Variants in KIF26B observed in about 807,000 individuals in gnomAD.
KIF26B encodes the protein kinesin family member 26B.
A neutral mutation model predicts 151.2 loss-of-function variants in KIF26B; 63 were observed. The ratio of observed to expected loss-of-function variants is 0.42; its 90% CI spans 0.34 to 0.51. KIF26B has a LOEUF of 0.51. Among genes scored for constraint, KIF26B ranks in the 20% least tolerant of loss-of-function variants. The pLI, the probability that KIF26B is intolerant of heterozygous loss-of-function variation, is 0.07. For missense variants in KIF26B, 2,813 were observed against 2,913.6 expected (o/e 0.97, Z 0.79); for synonymous variants, 1,357 against 1,262.1 (o/e 1.08, Z -1.59).
intron 2 of KIF26B, among the ~76,000 whole-genome samples, chr1:245,303,766 G>C (rs58175684): frequency 0.066 from 10,086 of 152,204 alleles, 393 homozygotes; most frequent in Admixed American, 0.097. Flanking sequence ...TATACATAAG[G>C]CACCCTAGCT....
In KIF26B at chr1:245,244,930, C is replaced by T. The variant is rs1300516889; in HGVS notation, c.465+88247C>T. On this transcript the variant is annotated intron_variant, in intron 2 of 14. Transcript: ENST00000407071. This position sits in a 1 kb window ranked among gnomAD's most constrained non-coding sequence, Gnocchi z 4.2. ...ATGATGGCAGTCAGTTTATCCAGAT[C>T]ACAAGTCAGAAGGGTGAAATCGGCT... Among the ~76,000 whole-genome samples the T allele has an allele frequency of 6.6e-6, 1 of 152,136 alleles. No homozygotes were observed. Among genetic ancestry groups the T allele is most frequent in the Non-Finnish European group, 1.5e-5 (1 of 68,028 alleles).
chr1:245,405,164 G>A (rs1674104285), intron 3 of KIF26B, among the ~76,000 whole-genome samples: 1 of 152,162 alleles, frequency 6.6e-6, no homozygotes, highest in South Asian at 2.1e-4. Flanking sequence ...ATGAAACAGA[G>A]TTTCCCGGGA....
At chr1:245,266,374 A>G (rs1184437177) in intron 2 of KIF26B, among the ~76,000 whole-genome samples, 1 of 152,130 alleles carries the variant, frequency 6.6e-6, no homozygotes, top group Non-Finnish European at 1.5e-5. Flanking sequence ...TTTTGAAAGC[A>G]ATTTATTCTT....
At chr1:245,431,433 C>T (rs1658778649) in intron 4 of KIF26B, among the ~76,000 whole-genome samples, 1 of 150,654 alleles carries the variant, frequency 6.6e-6, no homozygotes, top group Non-Finnish European at 1.5e-5. Flanking sequence ...CAACCTCTGC[C>T]TCCCGGCTTC....
intron 3 of KIF26B, among the ~76,000 whole-genome samples, chr1:245,398,035 G>C (rs145782421): frequency 0.016 from 2,462 of 152,232 alleles, 29 homozygotes; most frequent in Non-Finnish European, 0.023. Context: ...TGTGAAGTAG[G>C]GAGCTTTCCA....
intron 2 of KIF26B, among the ~76,000 whole-genome samples, chr1:245,333,467 T>C (rs1300836743): frequency 4.0e-5 from 6 of 151,526 alleles, no homozygotes; most frequent in Non-Finnish European, 8.8e-5. Flanking sequence ...GGGCAGTGAG[T>C]GTTTAGTGGG....
At chr1:245,678,358 G>A (rs527326202) in intron 10 of KIF26B, among the ~76,000 whole-genome samples, 7 of 152,194 alleles carry the variant, frequency 4.6e-5, no homozygotes, top group African/African-American at 1.7e-4. Context: ...TCTACGACGC[G>A]TTCTGGCACG....
At chr1:245,530,410 A>C (rs1661335272) in intron 4 of KIF26B, among the ~76,000 whole-genome samples, 1 of 152,246 alleles carries the variant, frequency 6.6e-6, no homozygotes, top group South Asian at 2.1e-4. Context: ...TATTCACAAT[A>C]GTCAAGAGTT....
chr1:245,357,406 G>A (rs769368379), intron 2 of KIF26B, among the ~76,000 whole-genome samples: 2 of 152,200 alleles, frequency 1.3e-5, no homozygotes, highest in Non-Finnish European at 2.9e-5. Flanking sequence ...TGCTATGAAT[G>A]ACTTAGAGAA....
At chr1:245,419,450 T>C (rs376248897) in intron 3 of KIF26B, 129 bp from the exon 4 acceptor site, 10 of 720,960 alleles carry the variant, frequency 1.4e-5, no homozygotes, top group Middle Eastern at 3.3e-4. Context: ...CATCCACGTG[T>C]AACTGAATGC....
chr1:245,415,154 G>A (rs1674386472), intron 3 of KIF26B, among the ~76,000 whole-genome samples: 2 of 152,124 alleles, frequency 1.3e-5, no homozygotes. Flanking sequence ...CACATCTGAG[G>A]GCATCCCTTA....
chr1:245,264,973 G>A (rs1670715721), intron 2 of KIF26B, among the ~76,000 whole-genome samples: 1 of 151,502 alleles, frequency 6.6e-6, no homozygotes, highest in African/African-American at 2.4e-5. Flanking sequence ...GCCGAGGCGG[G>A]CAGATCACAA....
chr1:245,471,035 T>A (rs1466333127), intron 4 of KIF26B, among the ~76,000 whole-genome samples: 1 of 152,140 alleles, frequency 6.6e-6, no homozygotes, highest in African/African-American at 2.4e-5. Context: ...TTTTGGCTTC[T>A]ACATTTATTG....
In KIF26B at chr1:245,705,552, G is replaced by A. The variant is rs1420778678; in HGVS notation, c.*2946G>A. Reference sequence around the variant, plus strand: ...CAAGGAGGCAAGGGGGAATATCAACGAACCCATTTCTATTTCATTACCCAC... The same window carrying A: ...CAAGGAGGCAAGGGGGAATATCAACAAACCCATTTCTATTTCATTACCCAC... On this transcript the variant is annotated 3_prime_UTR_variant, in exon 15 of 15. Transcript: ENST00000407071. The A allele has an allele frequency of 6.6e-6, 1 of 152,160 alleles. No individual in the cohort carries two copies. Among genetic ancestry groups the A allele is most frequent in the African/African-American group, 2.4e-5 (1 of 41,526 alleles). The allele number at this position is 152,160 out of a possible 1,614,324, so 9.4% of individuals were successfully genotyped here.
At position 245,514,045 on chromosome 1, in the gene KIF26B, A is replaced by C. The variant is rs72762849; in HGVS notation, c.1167-26722A>C. Among the ~76,000 whole-genome samples the C allele has an allele frequency of 9.0e-3, 1,372 of 152,310 alleles. 9 individuals are homozygous for C. Among genetic ancestry groups the C allele is most frequent in the Non-Finnish European group, 0.014 (972 of 68,030 alleles). Reference sequence around the variant, plus strand: ...GGGGAGAAACATGTAAATATCGTTAATAACAATGCATCGCGTCCTTGAAAA... The same window carrying C: ...GGGGAGAAACATGTAAATATCGTTACTAACAATGCATCGCGTCCTTGAAAA... On this transcript the variant is annotated intron_variant, in intron 4 of 14. Coordinates refer to ENST00000407071, the MANE Select transcript of KIF26B (RefSeq NM_018012.4).
At position 245,462,523 on chromosome 1, in the gene KIF26B, C is replaced by CAGTGACTGTCCTGGGAGGA. The variant is rs1178529384; in HGVS notation, c.1166+42789_1166+42807dup. On this transcript the variant is annotated intron_variant, in intron 4 of 14. Coordinates refer to ENST00000407071, the MANE Select transcript of KIF26B (RefSeq NM_018012.4). ...GGTTACTCCTTTGTGGAGCAGGAGA[C>CAGTGACTGTCCTGGGAGGA]AGTGACTGTCCTGGGAGGAAGTGAC... Among the ~76,000 whole-genome samples the CAGTGACTGTCCTGGGAGGA allele has an allele frequency of 2.0e-5, 3 of 152,324 alleles. No individual in the cohort carries two copies. The East Asian group carries it at 5.8e-4, about 29-fold the overall frequency.
At position 245,390,942 on chromosome 1, in the gene KIF26B, A is replaced by AC. The variant is rs200437930; in HGVS notation, c.999+23575_999+23576insC. 3.3e-4 allele frequency among the ~76,000 whole-genome samples: 48 copies of AC among 145,354 alleles called. 3 individuals are homozygous for AC. Among genetic ancestry groups the AC allele is most frequent in the African/African-American group, 1.2e-3 (44 of 37,876 alleles). On this transcript the variant is annotated intron_variant, in intron 3 of 14. Coordinates refer to ENST00000407071, the MANE Select transcript of KIF26B (RefSeq NM_018012.4). ...GTCTCAAAAAAAAAAAAAAAAAAAAAAAAAAAAAAACCACCATAAAATTTT... is the reference window on the plus strand; with the variant it reads ...GTCTCAAAAAAAAAAAAAAAAAAAAACAAAAAAAAAACCACCATAAAATTTT...
intron 2 of KIF26B, among the ~76,000 whole-genome samples, chr1:245,242,872 G>A (rs190956478): frequency 3.2e-4 from 49 of 152,104 alleles, no homozygotes; most frequent in South Asian, 1.9e-3. Context: ...GGCTGGTCTC[G>A]AACTCCTGAC....
In KIF26B at chr1:245,686,804, G is replaced by A; in HGVS notation, c.3821G>A (p.Arg1274Lys). The change falls in exon 12 of 15, where the codon AGA becomes AAA. Residue 1274 changes from arginine to lysine, a missense_variant. Arg to Lys is a conservative substitution (Grantham distance 26). Coordinates refer to ENST00000407071, the MANE Select transcript of KIF26B (RefSeq NM_018012.4). This position sits in a 1 kb window ranked among gnomAD's most constrained non-coding sequence, Gnocchi z 5.6. ...GAGAAGGCCCAGGACGCAGGGAGCA[G>A]ACGCTCTTCCATCAGCTCCTGGCTG... ...LDEKAQDAGSRRSSISSWLSE... is the reference protein window; with the variant it reads ...LDEKAQDAGSKRSSISSWLSE... 1 of 1,613,558 alleles carries A rather than the reference G, an allele frequency of 6.2e-7. No individual in the cohort carries two copies.
Sources: allele counts gnomAD v4.1 joint callset (sites outside exome capture counted in the v4.1 genomes callset), GRCh38; gene constraint gnomAD v4.1.1; non-coding constraint Gnocchi (gnomAD v3.1); transcripts MANE v1.5; gene names NCBI Gene and HGNC (gene_info 2026-07-23, HGNC 2026-07-21).